Variants in CEP83 observed in about 807,000 individuals in gnomAD.
The protein encoded by CEP83 is centrosomal protein of 83 kDa.
CEP83 carries 70 observed loss-of-function variants against 101.9 expected under a neutral mutation model. The ratio of observed to expected loss-of-function variants is 0.69; its 90% CI spans 0.57 to 0.84. The LOEUF is 0.84. Among genes scored for constraint, CEP83 ranks in the 40% least tolerant of loss-of-function variants. CEP83 has a pLI of 0.00. For missense variants in CEP83, 715 were observed against 787.2 expected (o/e 0.91, Z 1.10); for synonymous variants, 264 against 267.9 (o/e 0.99, Z 0.14).
chr12:94,394,826 CTT>C (rs1192177480), intron 6 of CEP83, among the ~76,000 whole-genome samples: 1 of 152,208 alleles, frequency 6.6e-6, no homozygotes, highest in Non-Finnish European at 1.5e-5. Context: ...TGAACAGACA[CTT>C]CTCAAAAGAA....
intron 2 of CEP83, among the ~76,000 whole-genome samples, chr12:94,421,370 A>C (rs1207595826): frequency 6.6e-6 from 1 of 152,072 alleles, no homozygotes; most frequent in East Asian, 1.9e-4. Flanking sequence ...TATAATTCAC[A>C]ATTTTTTAAA....
chr12:94,417,971 G>A (rs2064414363), intron 2 of CEP83, among the ~76,000 whole-genome samples: 1 of 152,026 alleles, frequency 6.6e-6, no homozygotes, highest in Non-Finnish European at 1.5e-5. Context: ...AACAAACAAT[G>A]ACAAACAAGC....
chr12:94,445,272 T>C lies in CEP83; in HGVS notation c.-154-9945A>G, dbSNP rs1343373624. ...GGTCCTGGAACAATTGCCTTTTCCA[T>C]ACACACACACACACACACACAAAGA... On this transcript the variant is annotated intron_variant, in intron 1 of 16. Transcript: ENST00000397809. 2.7e-5 allele frequency among the ~76,000 whole-genome samples: 4 copies of C among 150,210 alleles called. No homozygotes were observed. In the South Asian group the frequency reaches 6.3e-4, roughly 24 times the overall value.
chr12:94,305,416 G>A (rs575788817), downstream of CEP83: 1 of 620,794 alleles, frequency 1.6e-6, no homozygotes, highest in Admixed American at 2.8e-5. Flanking sequence ...GTCTTTTTAA[G>A]AGACCAAGGC....
chr12:94,306,254 T>TACATTTC (rs1969005430), downstream of CEP83: 3 of 152,114 alleles, frequency 2.0e-5, no homozygotes, highest in African/African-American at 7.2e-5. Flanking sequence ...TTTTACATTT[T>TACATTTC]ATCGAATTGC....
chr12:94,383,459 T>TG (rs2061962722), intron 6 of CEP83, among the ~76,000 whole-genome samples: 1 of 152,078 alleles, frequency 6.6e-6, no homozygotes. Flanking sequence ...AGAAACCATA[T>TG]GTCATAAGGA....
intron 2 of CEP83, among the ~76,000 whole-genome samples, chr12:94,434,753 A>G (rs369636660): frequency 6.6e-6 from 1 of 152,220 alleles, no homozygotes; most frequent in Non-Finnish European, 1.5e-5. Context: ...AAATTCATTT[A>G]TGTTCCATAT....
chr12:94,448,073 CTTCAA>C, intron 1 of CEP83, among the ~76,000 whole-genome samples: 1 of 152,034 alleles, frequency 6.6e-6, no homozygotes, highest in South Asian at 2.1e-4. Flanking sequence ...AGAGATAAAT[CTTCAA>C]TTCAAAGACA....
intron 11 of CEP83, among the ~76,000 whole-genome samples, chr12:94,353,958 A>G (rs1025719073): frequency 7.9e-5 from 12 of 152,196 alleles, no homozygotes; most frequent in African/African-American, 2.9e-4. Context: ...GTAAATATGT[A>G]TGCATCAAAC....
intron 2 of CEP83, among the ~76,000 whole-genome samples, chr12:94,418,607 G>T (rs548677996): frequency 5.3e-5 from 8 of 152,200 alleles, no homozygotes; most frequent in Admixed American, 2.6e-4. Flanking sequence ...GAAATATCCA[G>T]AATAGATAAA....
rs544217381 is a variant in CEP83, at chr12:94,353,204, G to A, written c.1343+14590C>T. On this transcript the variant is annotated intron_variant, in intron 11 of 16. Transcript: ENST00000397809. Reference sequence around the variant, plus strand: ...GAACAGAATGTTATACTCAAAAGTAGTGAAAGAAAAATAACTTCCATTCCA... The same window carrying A: ...GAACAGAATGTTATACTCAAAAGTAATGAAAGAAAAATAACTTCCATTCCA... 2.6e-5 allele frequency among the ~76,000 whole-genome samples: 4 copies of A among 152,242 alleles called. 1 individual carries two copies. Among genetic ancestry groups the A allele is most frequent in the African/African-American group, 9.6e-5 (4 of 41,558 alleles).
At chr12:94,454,272 G>A (rs956393169) in intron 1 of CEP83, among the ~76,000 whole-genome samples, 6 of 152,110 alleles carry the variant, frequency 3.9e-5, no homozygotes, top group Admixed American at 2.6e-4. Context: ...TACTTTTTCT[G>A]CCCAGAATAA....
At chr12:94,353,663 A>G (rs1365446507) in intron 11 of CEP83, among the ~76,000 whole-genome samples, 1 of 152,126 alleles carries the variant, frequency 6.6e-6, no homozygotes, top group Non-Finnish European at 1.5e-5. Context: ...CTCAAAGCCC[A>G]AATATAAGCT....
chr12:94,275,235 A>T, the CEP83 span, among the ~76,000 whole-genome samples: 1 of 152,216 alleles, frequency 6.6e-6, no homozygotes, highest in African/African-American at 2.4e-5. Context: ...TGTCTCTGAA[A>T]TTTATCATGA....
chr12:94,351,348 T>C (rs529200704), intron 11 of CEP83, among the ~76,000 whole-genome samples: 48 of 152,258 alleles, frequency 3.2e-4, no homozygotes, highest in African/African-American at 1.1e-3. Flanking sequence ...GAACACACAC[T>C]GGGTCCCCCC....
chr12:94,419,999 T>A (rs1356196201), intron 2 of CEP83, among the ~76,000 whole-genome samples: 1 of 152,232 alleles, frequency 6.6e-6, no homozygotes, highest in Non-Finnish European at 1.5e-5. Context: ...CTTTTCTTTG[T>A]TTACTGGCCA....
chr12:94,401,469 C>T (rs140718005), intron 5 of CEP83, among the ~76,000 whole-genome samples: 9 of 152,276 alleles, frequency 5.9e-5, no homozygotes, highest in South Asian at 2.1e-4. Context: ...CTGAAGAATA[C>T]GTGCAGCATC....
intron 11 of CEP83, among the ~76,000 whole-genome samples, chr12:94,355,037 A>C (rs1194247799): frequency 6.6e-6 from 1 of 151,944 alleles, no homozygotes; most frequent in African/African-American, 2.4e-5. Flanking sequence ...AAAATTTCTT[A>C]AAAACAAATA....
intron 1 of CEP83, among the ~76,000 whole-genome samples, chr12:94,436,922 G>A (rs545310503): frequency 3.2e-4 from 49 of 152,006 alleles, no homozygotes; most frequent in African/African-American, 9.9e-4. Context: ...AACTTGGGAC[G>A]TTAAAAGACC....
Sources: gnomAD v4.1 joint callset for allele counts (sites outside exome capture counted in the v4.1 genomes callset) on GRCh38, gnomAD v4.1.1 for gene constraint, MANE v1.5 for transcripts, NCBI Gene and HGNC (gene_info 2026-07-23, HGNC 2026-07-21) for gene names.